DOCK8: variants seen among roughly 807,000 people sequenced by gnomAD.
DOCK8 encodes dedicator of cytokinesis protein 8.
Under a neutral mutation model 245.6 loss-of-function variants are expected in DOCK8, and 141 were observed. That is an observed-to-expected ratio of 0.57 (90% CI 0.50 to 0.66). The LOEUF is 0.66. Ranked by LOEUF, DOCK8 falls within the 30% of genes least tolerant of loss-of-function variation. The pLI is 0.00. For missense variants in DOCK8, 2,965 were observed against 2,603.4 expected (o/e 1.14, Z -3.02); for synonymous variants, 1,168 against 970.2 (o/e 1.20, Z -3.79).
At chr9:319,784 G>GAA (rs533073287) in intron 7 of DOCK8, among the ~76,000 whole-genome samples, 5,547 of 134,512 alleles carry the variant, frequency 0.041, 152 homozygotes, top group Admixed American at 0.069. Flanking sequence ...GTTTGTAACA[G>GAA]AAAAAAAAAA....
chr9:428,767 A>G lies in DOCK8; in HGVS notation c.4473+271A>G, dbSNP rs111865982. On this transcript the variant is annotated intron_variant, in intron 35 of 47. Coordinates refer to ENST00000432829, the MANE Select transcript of DOCK8 (RefSeq NM_203447.4). ...CGCTGAAGGTCTATGACATGAGAAC[A>G]GAGATCAACTGAGTGACTTAGCAAT... 0.032 allele frequency among the ~76,000 whole-genome samples: 4,863 copies of G among 152,300 alleles called. 252 individuals carry two copies. The highest frequency in any genetic ancestry group is 0.11 in the African/African-American group (4,622 of 41,526).
chr9:439,161 C>T, intron 39 of DOCK8, 84 bp from the exon 40 acceptor site: 1 of 1,570,976 alleles, frequency 6.4e-7, no homozygotes, highest in Non-Finnish European at 8.7e-7. Flanking sequence ...ACACCAGCTT[C>T]CTCGTTTCCC....
rs1183392235 is a variant in DOCK8 at position 464,417 on chromosome 9, G to A, written c.*198G>A. 4 of 644,174 alleles carry A rather than the reference G, an allele frequency of 6.2e-6. No homozygotes were observed. In the Admixed American group the frequency reaches 7.3e-5, roughly 12 times the overall value. The allele number at this position is 644,174 out of a possible 1,614,324, so 39.9% of individuals were successfully genotyped here. A position where few individuals can be genotyped will look rare whatever the true frequency, so the allele number is the denominator to read the frequency against. ...CTGACCAGATTTTTGCCATACTGGG[G>A]GGTGGCGGGATGGAGGATGGGTACT... On this transcript the variant is annotated 3_prime_UTR_variant, in exon 48 of 48. Transcript: ENST00000432829.
chr9:352,849 G>T (rs1417071065), intron 14 of DOCK8, among the ~76,000 whole-genome samples: 3 of 152,088 alleles, frequency 2.0e-5, no homozygotes, highest in African/African-American at 4.8e-5. Context: ...TTGTGGACTT[G>T]TCACACTGGT....
chr9:432,062 G>T, intron 36 of DOCK8, 104 bp from the exon 37 acceptor site: 1 of 1,189,656 alleles, frequency 8.4e-7, no homozygotes. Flanking sequence ...ACGGGGCAAA[G>T]GAAACACTGA....
In DOCK8 at chr9:382,714, G is replaced by C. The variant is rs146742861; in HGVS notation, c.2778+29G>C. On this transcript the variant is annotated intron_variant, in intron 22 of 47. Coordinates refer to ENST00000432829, the MANE Select transcript of DOCK8 (RefSeq NM_203447.4). ...GGAAAGATGTCAAACCGTGGAAGGG[G>C]ACACAGGCTTTTTTATTTTTTAACT... 25 of 1,612,910 alleles carry C rather than the reference G, an allele frequency of 1.5e-5. No individual in the cohort carries two copies. In the East Asian group the frequency reaches 5.4e-4, roughly 35 times the overall value.
chr9:409,884 T>C (rs981020103), intron 28 of DOCK8, among the ~76,000 whole-genome samples: 1 of 152,180 alleles, frequency 6.6e-6, no homozygotes, highest in African/African-American at 2.4e-5. Context: ...CTCATCCTTT[T>C]TTATGGCTGC....
In DOCK8 at chr9:452,088, G is replaced by A; in HGVS notation, c.6039G>A (p.Leu2013=). Residue 2013 remains leucine, a synonymous_variant, in exon 46 of 48, where the codon TTG becomes TTA. Transcript: ENST00000432829. ...DPKLYRHHNK[L]RLCFKEFIMR... ...AACTCTATCGACATCACAACAAGTT[G>A]AGGTTATGCTTTAAGGAATTCATCA... The A allele has an allele frequency of 2.5e-6, 4 of 1,607,260 alleles. No individual in the cohort carries two copies. Among genetic ancestry groups the A allele is most frequent in the Non-Finnish European group, 3.4e-6 (4 of 1,176,648 alleles).
At chr9:428,123 T>C (rs976861658) in intron 34 of DOCK8, among the ~76,000 whole-genome samples, 6 of 152,202 alleles carry the variant, frequency 3.9e-5, no homozygotes, top group African/African-American at 1.2e-4. Flanking sequence ...CCTTATACCT[T>C]CATTTAGGAA....
chr9:298,169 A>G (rs933146894), intron 4 of DOCK8, among the ~76,000 whole-genome samples: 1 of 152,214 alleles, frequency 6.6e-6, no homozygotes, highest in Non-Finnish European at 1.5e-5. Flanking sequence ...TCATGCCTGT[A>G]ATCGCAGCAC....
chr9:312,461 G>A (rs1159054130), intron 6 of DOCK8: 1 of 531,446 alleles, frequency 1.9e-6, no homozygotes, highest in South Asian at 1.5e-5. Context: ...GGGTCTACAT[G>A]TAGTAATCAC....
intron 14 of DOCK8, among the ~76,000 whole-genome samples, chr9:361,724 G>A (rs553480649): frequency 5.3e-5 from 8 of 152,142 alleles, no homozygotes; most frequent in African/African-American, 1.9e-4. Flanking sequence ...TTTAAAAAAG[G>A]CGTAGATTTC....
In DOCK8 at chr9:429,693, C is replaced by G. The variant is rs778752111; in HGVS notation, c.4474-9C>G. On this transcript the variant is annotated splice_polypyrimidine_tract_variant and intron_variant, in intron 35 of 47. Coordinates refer to ENST00000432829, the MANE Select transcript of DOCK8 (RefSeq NM_203447.4). The stretch of plus-strand genomic sequence containing the variant: ...AGTGATGCCTAATGGCCCTTTATGT[C>G]TCTCCTAGTTTGGAGACTTACTCTT... 1.9e-6 allele frequency: 3 copies of G among 1,614,078 alleles called. No individual in the cohort carries two copies. Among genetic ancestry groups the G allele is most frequent in the Admixed American group, 3.3e-5 (2 of 60,010 alleles).
chr9:455,932 T>A (rs975493771), intron 46 of DOCK8, among the ~76,000 whole-genome samples: 2 of 152,178 alleles, frequency 1.3e-5, no homozygotes, highest in Non-Finnish European at 2.9e-5. Context: ...CAGCAGTTAT[T>A]GAGCTCCTAC....
intron 14 of DOCK8, among the ~76,000 whole-genome samples, chr9:353,691 T>C (rs992878036): frequency 6.6e-6 from 1 of 152,072 alleles, no homozygotes; most frequent in Non-Finnish European, 1.5e-5. Context: ...AAAAGAAAAA[T>C]ACAGCATAGT....
At chr9:282,749 G>C (rs2048645587) in intron 2 of DOCK8, among the ~76,000 whole-genome samples, 1 of 152,158 alleles carries the variant, frequency 6.6e-6, no homozygotes, top group African/African-American at 2.4e-5. Flanking sequence ...TTCTCTGGCA[G>C]GAAGTGAAAT....
chr9:234,297 T>G (rs2047195662), intron 1 of DOCK8, among the ~76,000 whole-genome samples: 1 of 152,252 alleles, frequency 6.6e-6, no homozygotes, highest in Admixed American at 6.5e-5. Context: ...CCTTTGTGGG[T>G]AACCCGACCT....
intron 4 of DOCK8, among the ~76,000 whole-genome samples, chr9:303,443 T>A (rs1261755606): frequency 1.3e-5 from 2 of 152,150 alleles, no homozygotes; most frequent in African/African-American, 4.8e-5. Flanking sequence ...CACCATGAAA[T>A]ACCACACAGC....
chr9:357,842 C>G (rs2052518859), intron 14 of DOCK8, among the ~76,000 whole-genome samples: 1 of 152,192 alleles, frequency 6.6e-6, no homozygotes, highest in African/African-American at 2.4e-5. Context: ...TTCCATTTTT[C>G]TTGCTCTGAT....
Sources: gnomAD v4.1 joint callset for allele counts (sites outside exome capture counted in the v4.1 genomes callset) on GRCh38, gnomAD v4.1.1 for gene constraint, MANE v1.5 for transcripts, NCBI Gene and HGNC (gene_info 2026-07-23, HGNC 2026-07-21) for gene names.